Variants in PLEKHO1 observed in about 807,000 individuals in gnomAD.
PLEKHO1 encodes pleckstrin homology domain containing O1, also known as pleckstrin homology domain-containing family O member 1.
In PLEKHO1, 22 loss-of-function variants were observed where a neutral mutation model predicts 41.4. That is an observed-to-expected ratio of 0.53 (90% CI 0.38 to 0.76). The LOEUF (loss-of-function observed/expected upper bound fraction) is 0.76, where lower values mean the gene tolerates loss of function less well. Ranked by LOEUF, PLEKHO1 falls within the 30% of genes least tolerant of loss-of-function variation. The pLI is 0.00. For synonymous variants in PLEKHO1, 225 were observed against 210.8 expected, an observed-to-expected ratio of 1.07 and a Z score of -0.58; for missense variants, 488 against 518.3, an observed-to-expected ratio of 0.94 and a Z score of 0.57.
Position 150,150,181 on chromosome 1 carries a change from G to C in PLEKHO1, c.-77G>C. ...GCTCCGACGCCCTCCCGCGGGGAAG[G>C]AGCCCCCGCGGTGCCGCCGAGGCCC... On this transcript the variant is annotated 5_prime_UTR_variant, in exon 1 of 6. Transcript: ENST00000369124. 1 of 643,816 alleles carries C rather than the reference G, an allele frequency of 1.6e-6. No homozygotes were observed. Among genetic ancestry groups the C allele is most frequent in the Non-Finnish European group, 2.0e-6 (1 of 512,462 alleles). The allele number at this position is 643,816 out of a possible 1,614,324, so 39.9% of individuals were successfully genotyped here. A position where few individuals can be genotyped will look rare whatever the true frequency, so the allele number is the denominator to read the frequency against.
chr1:150,158,186 G>A (rs782055006), intron 5 of PLEKHO1, among the ~76,000 whole-genome samples: 3 of 152,192 alleles, frequency 2.0e-5, no homozygotes, highest in Admixed American at 6.5e-5. Context: ...GAGGACAGTC[G>A]TGCCATGGGG....
chr1:150,159,370 G>C lies in PLEKHO1; in HGVS notation c.1077G>C (p.Leu359=). 1 of 1,614,174 alleles carries C rather than the reference G, an allele frequency of 6.2e-7. No homozygotes were observed. Among genetic ancestry groups the C allele is most frequent in the Non-Finnish European group, 8.5e-7 (1 of 1,180,034 alleles). The stretch of plus-strand genomic sequence containing the variant: ...TGCTGCTGGAGACGGAACGGCTGCT[G>C]GGAGAGGCATCATCGAATTGGAGCC... ...EQLLLETERL[L]GEASSNWSQA... Residue 359 remains leucine, a synonymous_variant, in exon 6 of 6, where the codon CTG becomes CTC. Transcript: ENST00000369124.
chr1:150,158,806 C>A lies in PLEKHO1; in HGVS notation c.526-13C>A, dbSNP rs587714004. On this transcript the variant is annotated splice_polypyrimidine_tract_variant and intron_variant, in intron 5 of 5. Transcript: ENST00000369124. ...ATGACAGGTTCCCCACTCATTCCCC[C>A]CTTCCTCCACAGGCTTCCACCTCTA... 1.0e-4 allele frequency: 160 copies of A among 1,570,768 alleles called. 1 individual carries two copies. Among genetic ancestry groups the A allele is most frequent in the South Asian group, 8.0e-4 (71 of 88,714 alleles).
At chr1:150,154,331 C>T (rs1471271059) in intron 2 of PLEKHO1, 3 of 152,298 alleles carry the variant, frequency 2.0e-5, no homozygotes, top group African/African-American at 4.8e-5. Flanking sequence ...TACTTCCACC[C>T]GTAATCATTC....
At chr1:150,158,524 A>G (rs1386961887) in intron 5 of PLEKHO1, among the ~76,000 whole-genome samples, 1 of 606 alleles carries the variant, frequency 1.7e-3, no homozygotes, top group African/African-American at 0.014. Context: ...TGCCTCTGCT[A>G]AAAATACAAA....
chr1:150,151,922 C>T (rs1203566585), intron 2 of PLEKHO1, among the ~76,000 whole-genome samples: 3 of 152,102 alleles, frequency 2.0e-5, no homozygotes, highest in Admixed American at 2.0e-4. Flanking sequence ...CATTCCATTC[C>T]CTGCCTCTGT....
At position 150,159,226 on chromosome 1, in the gene PLEKHO1, G is replaced by C. The variant is rs1553821461; in HGVS notation, c.933G>C (p.Leu311=). 2 of 1,614,008 alleles carry C rather than the reference G, an allele frequency of 1.2e-6. No homozygotes were observed. Among genetic ancestry groups the C allele is most frequent in the Admixed American group, 1.7e-5 (1 of 59,996 alleles). The change falls in exon 6 of 6, where the codon CTG becomes CTC. Residue 311 remains leucine, a synonymous_variant. Coordinates refer to ENST00000369124, the MANE Select transcript of PLEKHO1 (RefSeq NM_016274.6). ...GGCAGCTGTCCCGGATCCAGGACCT[G>C]GTAGCAAGGAAACTGGAGGAGACTC... ...NPGQLSRIQD[L]VARKLEETQE...
chr1:150,157,526 C>T (rs1553820713), intron 5 of PLEKHO1, 40 bp downstream of exon 5: 3 of 1,368,120 alleles, frequency 2.2e-6, no homozygotes, highest in Non-Finnish European at 2.1e-6. Context: ...AGGGCCAATT[C>T]TGTGTCAGTC....
chr1:150,157,710 C>CT (rs1232169432), intron 5 of PLEKHO1, among the ~76,000 whole-genome samples: 1 of 152,248 alleles, frequency 6.6e-6, no homozygotes, highest in Non-Finnish European at 1.5e-5. Flanking sequence ...ATGTTACCCT[C>CT]TTTCGGAGAA....
intron 1 of PLEKHO1, 42 bp from the exon 2 acceptor site, chr1:150,150,870 G>A: frequency 6.3e-7 from 1 of 1,595,106 alleles, no homozygotes; most frequent in South Asian, 1.1e-5. Flanking sequence ...AGCGCCGGCT[G>A]GAATCTCCTA....
At chr1:150,157,218 G>A (rs1052668822) in intron 4 of PLEKHO1, 167 bp from the exon 5 acceptor site, 3 of 710,488 alleles carry the variant, frequency 4.2e-6, no homozygotes, top group African/African-American at 3.6e-5. Flanking sequence ...GCTTCATGAT[G>A]GGGGAGCCAG....
intron 2 of PLEKHO1, chr1:150,155,002 C>T (rs1299568390): frequency 6.6e-6 from 1 of 152,202 alleles, no homozygotes; most frequent in African/African-American, 2.4e-5. Flanking sequence ...TGGTCAGTTT[C>T]AGATGAACCT....
rs141878048 is a variant in PLEKHO1, at chr1:150,159,198, C to T, written c.905C>T (p.Pro302Leu). Residue 302 changes from proline (P) to leucine (L), a missense_variant, in exon 6 of 6, where the codon CCG (proline) becomes CTG (leucine). This residue lies in a region of PLEKHO1 where 337 missense variants were observed against 324.6 expected (regional missense o/e 1.04). Coordinates refer to ENST00000369124, the MANE Select transcript of PLEKHO1 (RefSeq NM_016274.6). ...CCCCCAACCCCTGCCCTCCCCAACC[C>T]GGGGCAGCTGTCCCGGATCCAGGAC... is the stretch of plus-strand genomic sequence containing the variant. ...EEPPTPALPN[P>L]GQLSRIQDLV... 51 of 1,613,788 alleles carry T rather than the reference C, an allele frequency of 3.2e-5. No homozygotes were observed. In the Middle Eastern group the frequency reaches 8.2e-4, roughly 26 times the overall value.
chr1:150,159,543 A>T lies in PLEKHO1; in HGVS notation c.*20A>T. ...ATGTGAGGGCAGGGTGGGGTCTGGA[A>T]CTTGTCGGGTTGGACAGACTCTTAT... On this transcript the variant is annotated 3_prime_UTR_variant, in exon 6 of 6. Transcript: ENST00000369124. 1 of 1,512,936 alleles carries T rather than the reference A, an allele frequency of 6.6e-7. No homozygotes were observed. Among genetic ancestry groups the T allele is most frequent in the Non-Finnish European group, 9.0e-7 (1 of 1,110,504 alleles). 93.7% of individuals were successfully genotyped at this position (1,512,936 alleles called of 1,614,324 possible). A position where few individuals can be genotyped will look rare whatever the true frequency, so the allele number is the denominator to read the frequency against.
chr1:150,155,500 G>T (rs1263492856), intron 2 of PLEKHO1: 3 of 152,298 alleles, frequency 2.0e-5, no homozygotes, highest in African/African-American at 7.2e-5. Flanking sequence ...AAATGAACAA[G>T]GAAGATGAGT....
rs150036531 is a variant in PLEKHO1 at position 150,159,761 on chromosome 1, CAGAG to C, written c.*246_*249del. 74 of 446,042 alleles carry C rather than the reference CAGAG, an allele frequency of 1.7e-4. No homozygotes were observed. Among genetic ancestry groups the C allele is most frequent in the Non-Finnish European group, 2.4e-4 (60 of 247,692 alleles). The allele number at this position is 446,042 out of a possible 1,614,324, so 27.6% of individuals were successfully genotyped here. ...CAGTAGCAGGAAGTTTTTACCCAGC[CAGAG>C]AGAGAGAAGGCACGGTAAAGACACA... On this transcript the variant is annotated 3_prime_UTR_variant, in exon 6 of 6. Transcript: ENST00000369124.
In PLEKHO1 at chr1:150,159,138, C is replaced by T. The variant is rs372991631; in HGVS notation, c.845C>T (p.Ala282Val). Residue 282 changes from alanine to valine, a missense_variant, in exon 6 of 6, where the codon GCC (alanine) becomes GTC (valine). Ala to Val is a moderately conservative substitution (Grantham distance 64). Around this residue, in one of 3 missense-constraint regions of PLEKHO1, gnomAD observed 337 missense variants for 324.6 expected, o/e 1.04. Coordinates refer to ENST00000369124, the MANE Select transcript of PLEKHO1 (RefSeq NM_016274.6). ...GAGATCCTATCTCAGCGGGATGCTG[C>T]CTCTGCCCGCACCCTCCAGCTGCGG... ...LEEILSQRDAASARTLQLRAE... is the reference protein window; with the variant it reads ...LEEILSQRDAVSARTLQLRAE... The T allele has an allele frequency of 4.4e-5, 71 of 1,612,026 alleles. No individual in the cohort carries two copies. The highest frequency in any genetic ancestry group is 6.0e-5 in the Non-Finnish European group (71 of 1,179,234).
chr1:150,156,642 A>G (rs1466673535), intron 3 of PLEKHO1, among the ~76,000 whole-genome samples: 1 of 152,190 alleles, frequency 6.6e-6, no homozygotes, highest in Non-Finnish European at 1.5e-5. Flanking sequence ...ATCCTTCATC[A>G]GACTTCCTCT....
chr1:150,153,438 C>T (rs1407450585), intron 2 of PLEKHO1: 5 of 152,136 alleles, frequency 3.3e-5, no homozygotes, highest in African/African-American at 1.2e-4. Flanking sequence ...ATCCTCCTGC[C>T]TCAACCTCCT....
Sources: gnomAD v4.1 joint callset for allele counts (sites outside exome capture counted in the v4.1 genomes callset) on GRCh38, gnomAD v4.1.1 for gene constraint, gnomAD v4.1.1 regional missense constraint, MANE v1.5 for transcripts, NCBI Gene and HGNC (gene_info 2026-07-23, HGNC 2026-07-21) for gene names.